CPEB1: variants seen among roughly 807,000 people sequenced by gnomAD.
CPEB1 encodes cytoplasmic polyadenylation element binding protein 1, also known as cytoplasmic polyadenylation element-binding protein 1.
In CPEB1, 7 loss-of-function variants were observed where a neutral mutation model predicts 65.8. The ratio of observed to expected loss-of-function variants is 0.11; its 90% CI spans 0.06 to 0.20. CPEB1 has a LOEUF of 0.20. Among genes scored for constraint, CPEB1 ranks in the 10% least tolerant of loss-of-function variants. The pLI, the probability that CPEB1 is intolerant of heterozygous loss-of-function variation, is 1.00. For missense variants in CPEB1, 551 were observed against 712.2 expected (o/e 0.77, Z 2.58); for synonymous variants, 262 against 260.0 (o/e 1.01, Z -0.08).
intron 12 of CPEB1, among the ~76,000 whole-genome samples, chr15:82,546,170 C>T (rs149871333): frequency 6.4e-4 from 97 of 152,128 alleles, no homozygotes; most frequent in African/African-American, 2.2e-3. Flanking sequence ...AGTGCAGTGG[C>T]GTGATCTCGA....
intron 4 of CPEB1, among the ~76,000 whole-genome samples, chr15:82,568,308 T>C (rs1178025500): frequency 1.3e-5 from 2 of 152,170 alleles, no homozygotes; most frequent in Non-Finnish European, 2.9e-5. Context: ...GAGGACAGTT[T>C]CCACAGCCCT....
chr15:82,586,842 G>A (rs1176260259), intron 3 of CPEB1, among the ~76,000 whole-genome samples: 1 of 152,134 alleles, frequency 6.6e-6, no homozygotes, highest in African/African-American at 2.4e-5. Flanking sequence ...ACATTTTAAA[G>A]AGTTAAAAGT....
chr15:82,561,875 A>AC (rs2038272721), intron 4 of CPEB1, among the ~76,000 whole-genome samples: 1 of 152,204 alleles, frequency 6.6e-6, no homozygotes, highest in South Asian at 2.1e-4. Flanking sequence ...AACGAACTCT[A>AC]CTTCGTTAAG....
intron 3 of CPEB1, among the ~76,000 whole-genome samples, chr15:82,581,838 T>C (rs749562750): frequency 3.3e-5 from 5 of 152,228 alleles, no homozygotes; most frequent in Non-Finnish European, 5.9e-5. Flanking sequence ...TGCAGCATTC[T>C]ACCTCACTGG....
intron 12 of CPEB1, 124 bp from the exon 13 acceptor site, chr15:82,544,826 A>G (rs2034871833): frequency 4.2e-6 from 3 of 711,108 alleles, no homozygotes; most frequent in Non-Finnish European, 7.5e-6. Flanking sequence ...TCTGTGGGTT[A>G]GAAGAAATGG....
chr15:82,560,379 GT>G (rs1350052426), intron 4 of CPEB1, among the ~76,000 whole-genome samples: 4 of 148,290 alleles, frequency 2.7e-5, no homozygotes, highest in Non-Finnish European at 6.0e-5. Flanking sequence ...AGGTTAAATA[GT>G]TTTTATCTTA....
intron 3 of CPEB1, among the ~76,000 whole-genome samples, chr15:82,606,469 CAA>C (rs1322114993): frequency 1.1e-4 from 6 of 52,612 alleles, no homozygotes; most frequent in Admixed American, 2.2e-4. Context: ...TACTCCGTCT[CAA>C]AAAAAAAAAA....
intron 5 of CPEB1, among the ~76,000 whole-genome samples, chr15:82,557,089 CT>C (rs903194317): frequency 1.3e-5 from 2 of 152,200 alleles, no homozygotes; most frequent in Non-Finnish European, 2.9e-5. Context: ...CTACTATCCC[CT>C]ATCTATATTA....
At chr15:82,550,040 A>C (rs2035970165) in intron 9 of CPEB1, among the ~76,000 whole-genome samples, 2 of 152,212 alleles carry the variant, frequency 1.3e-5, no homozygotes, top group Admixed American at 1.3e-4. Flanking sequence ...GTCCTCAAGA[A>C]AGGAAGGACT....
intron 1 of CPEB1, among the ~76,000 whole-genome samples, chr15:82,643,697 GGCTGTGTACAAT>G (rs2047279495): frequency 6.6e-6 from 1 of 152,018 alleles, no homozygotes; most frequent in African/African-American, 2.4e-5. Context: ...CCGTAAGTGT[GGCTGTGTACAAT>G]GCTGGGATTC....
chr15:82,645,405 G>A (rs2047419716), intron 1 of CPEB1, among the ~76,000 whole-genome samples: 1 of 151,940 alleles, frequency 6.6e-6, no homozygotes, highest in Admixed American at 6.6e-5. Context: ...TGCCCGCCTG[G>A]GCCTCCCAAA....
intron 11 of CPEB1, 87 bp downstream of exon 11, chr15:82,547,056 G>T: frequency 1.2e-6 from 1 of 850,678 alleles, no homozygotes; most frequent in Non-Finnish European, 1.9e-6. Context: ...AGCACAAACA[G>T]CTTCAGGTCT....
chr15:82,630,949 T>C (rs910857629), intron 1 of CPEB1, among the ~76,000 whole-genome samples: 12 of 152,048 alleles, frequency 7.9e-5, no homozygotes, highest in Non-Finnish European at 1.6e-4. Context: ...AAAAGTACTA[T>C]ATATATATGG....
Position 82,627,251 on chromosome 15 carries a change from C to T in CPEB1, c.213G>A (p.Leu71=), listed in dbSNP as rs1374350692. 1 of 1,613,594 alleles carries T rather than the reference C, an allele frequency of 6.2e-7. No individual in the cohort carries two copies. The highest frequency in any genetic ancestry group is 1.3e-5 in the African/African-American group (1 of 74,870). ...GTGTAGTGCAGACTCTACTGAAATCCAGAGAATTATCCAATATGGCATTTA... is the reference window on the plus strand; with the variant it reads ...GTGTAGTGCAGACTCTACTGAAATCTAGAGAATTATCCAATATGGCATTTA... The part of the protein sequence containing the change: ...RRINAILDNS[L]DFSRVCTTPI... Residue 71 remains leucine, a synonymous_variant, in exon 3 of 13, where the codon CTG becomes CTA. Coordinates refer to ENST00000684509, the MANE Select transcript of CPEB1 (RefSeq NM_001365242.1).
intron 1 of CPEB1, among the ~76,000 whole-genome samples, chr15:82,646,597 C>A (rs1048320437): frequency 6.6e-6 from 1 of 151,148 alleles, no homozygotes; most frequent in East Asian, 1.9e-4. Context: ...GAGCAAAGTG[C>A]CCCCGAAAAA....
At chr15:82,571,985 C>T (rs1340363751) in intron 3 of CPEB1, 4 of 386,938 alleles carry the variant, frequency 1.0e-5, no homozygotes, top group Non-Finnish European at 1.1e-5. Context: ...CAGCGCCCTC[C>T]GGTCTCCAGC....
At chr15:82,639,818 T>C (rs1567240902) in intron 1 of CPEB1, among the ~76,000 whole-genome samples, 1 of 151,902 alleles carries the variant, frequency 6.6e-6, no homozygotes, top group Non-Finnish European at 1.5e-5. Context: ...GGCTACCTAT[T>C]CAACCAGTCC....
rs1259182 is a variant in CPEB1, at chr15:82,610,000, C to A, written c.271+17193G>T. ...GCTTGAACCTGGGAGGTGGAGGTTG[C>A]GGTGAGCCGAGATCACCCCACTGCA... On this transcript the variant is annotated intron_variant, in intron 3 of 12. Coordinates refer to ENST00000684509, the MANE Select transcript of CPEB1 (RefSeq NM_001365242.1). Among the ~76,000 whole-genome samples the A allele has an allele frequency of 8.1e-5, 12 of 149,010 alleles. No individual in the cohort carries two copies. The South Asian group carries it at 2.1e-3, about 26-fold the overall frequency.
intron 3 of CPEB1, among the ~76,000 whole-genome samples, chr15:82,596,841 A>C (rs1158365376): frequency 6.6e-6 from 1 of 152,186 alleles, no homozygotes; most frequent in East Asian, 1.9e-4. Context: ...TATTTAAGTC[A>C]TTAATATGGA....
Sources: gnomAD v4.1 joint callset for allele counts (sites outside exome capture counted in the v4.1 genomes callset) on GRCh38, gnomAD v4.1.1 for gene constraint, MANE v1.5 for transcripts, NCBI Gene and HGNC (gene_info 2026-07-23, HGNC 2026-07-21) for gene names.